The following RBFOX3 variants were observed in gnomAD, a reference collection of about 807,000 sequenced individuals.
The protein encoded by RBFOX3 is RNA binding protein fox-1 homolog 3.
Under a neutral mutation model 48.7 loss-of-function variants are expected in RBFOX3, and 17 were observed. The observed-to-expected ratio is 0.35, with a 90% CI of 0.24 to 0.52. The LOEUF is 0.52. Among genes scored for constraint, RBFOX3 ranks in the 20% least tolerant of loss-of-function variants. The probability of loss-of-function intolerance (pLI) is 0.94; values close to 1 mark genes in which losing one functional copy is unlikely to be tolerated. For missense variants in RBFOX3, 382 were observed against 497.5 expected, an observed-to-expected ratio of 0.77 and a Z score of 2.21; for synonymous variants, 212 against 209.5, an observed-to-expected ratio of 1.01 and a Z score of -0.10.
At chr17:79,373,082 G>T (rs1002045834) in intron 2 of RBFOX3, among the ~76,000 whole-genome samples, 13 of 152,144 alleles carry the variant, frequency 8.5e-5, no homozygotes, top group African/African-American at 2.7e-4. Flanking sequence ...TGGGGCAGAG[G>T]CCTGGCCTCC....
the RBFOX3 span, among the ~76,000 whole-genome samples, chr17:79,655,217 C>A: frequency 6.6e-6 from 1 of 152,166 alleles, no homozygotes; most frequent in Non-Finnish European, 1.5e-5. Context: ...GAAGAGGGCA[C>A]AGGTCTGACC....
chr17:79,370,627 TACAC>T (rs1465405348), intron 2 of RBFOX3, among the ~76,000 whole-genome samples: 1 of 79,472 alleles, frequency 1.3e-5, no homozygotes, highest in Non-Finnish European at 3.3e-5. Flanking sequence ...CACAGTCACA[TACAC>T]TAACATACAT....
chr17:79,135,706 A>T (rs2040032168), intron 4 of RBFOX3, among the ~76,000 whole-genome samples: 2 of 152,046 alleles, frequency 1.3e-5, no homozygotes, highest in Non-Finnish European at 2.9e-5. Flanking sequence ...AGGACCAGAA[A>T]CTGTCCTCAC....
intron 2 of RBFOX3, among the ~76,000 whole-genome samples, chr17:79,428,458 C>T (rs1442782581): frequency 2.0e-5 from 3 of 152,248 alleles, no homozygotes; most frequent in Non-Finnish European, 2.9e-5. Context: ...GGCCTAGAGC[C>T]CTCTTAGGCT....
chr17:79,143,034 G>A (rs528468087), intron 4 of RBFOX3, among the ~76,000 whole-genome samples: 1 of 152,272 alleles, frequency 6.6e-6, no homozygotes, highest in Non-Finnish European at 1.5e-5. Context: ...TGTGAAGGAT[G>A]CTGGTCCCTG....
At chr17:79,491,512 G>A (rs1028092118) in intron 1 of RBFOX3, among the ~76,000 whole-genome samples, 2 of 152,012 alleles carry the variant, frequency 1.3e-5, no homozygotes, top group Non-Finnish European at 2.9e-5. Context: ...ACGGAAGGGC[G>A]GATGGAGTTA....
intron 2 of RBFOX3, among the ~76,000 whole-genome samples, chr17:79,476,287 G>A (rs1555761687): frequency 2.6e-5 from 4 of 152,344 alleles, no homozygotes; most frequent in South Asian, 2.1e-4. Flanking sequence ...CGCCCACAGC[G>A]CCCTCTGCGA....
chr17:79,279,009 A>C (rs1342159707), intron 3 of RBFOX3, among the ~76,000 whole-genome samples: 1 of 152,168 alleles, frequency 6.6e-6, no homozygotes, highest in Non-Finnish European at 1.5e-5. Flanking sequence ...ACATATTAGT[A>C]ATGCGCCCAT....
chr17:79,190,426 A>ATAT (rs1274482920), intron 4 of RBFOX3, among the ~76,000 whole-genome samples: 1 of 69,604 alleles, frequency 1.4e-5, no homozygotes, highest in African/African-American at 3.6e-5. Context: ...AAAAAAAAAA[A>ATAT]AAAAACAAAA....
At chr17:79,113,570 C>T (rs770627507) in intron 5 of RBFOX3, among the ~76,000 whole-genome samples, 27 of 152,278 alleles carry the variant, frequency 1.8e-4, no homozygotes, top group Middle Eastern at 3.4e-3. Context: ...CACCTGGACA[C>T]GCTTCCTGGG....
intron 1 of RBFOX3, among the ~76,000 whole-genome samples, chr17:79,610,089 C>T (rs992375007): frequency 5.3e-5 from 8 of 152,012 alleles, no homozygotes; most frequent in African/African-American, 1.9e-4. Context: ...CGCCCCCAGC[C>T]CGCCCCCTGT....
the RBFOX3 span, among the ~76,000 whole-genome samples, chr17:79,620,082 CAAGCACAT>C: frequency 6.7e-6 from 1 of 148,586 alleles, no homozygotes; most frequent in African/African-American, 2.6e-5. Context: ...CACATGCACA[CAAGCACAT>C]GCACACATGT....
rs373667525 is a variant in RBFOX3, at chr17:79,494,744, G to C, written c.-319-12146C>G. Among the ~76,000 whole-genome samples the C allele has an allele frequency of 2.7e-3, 409 of 152,340 alleles. 8 individuals carry two copies. The South Asian group carries it at 0.041, about 15-fold the overall frequency. On this transcript the variant is annotated intron_variant, in intron 1 of 14. Coordinates refer to ENST00000693108, the MANE Select transcript of RBFOX3 (RefSeq NM_001350451.2). The stretch of plus-strand genomic sequence containing the variant: ...CTGAGGGCTTCAGCAGCAGGACCCA[G>C]GCTGGAAGTGAGGCCCGTCAAGGAC...
rs557492156 is a variant in RBFOX3, at chr17:79,338,228, C to T, written c.-174-30404G>A. Among the ~76,000 whole-genome samples, 7 of 152,190 alleles carry T rather than the reference C, an allele frequency of 4.6e-5. No individual in the cohort carries two copies. The East Asian group carries it at 5.8e-4, about 13-fold the overall frequency. On this transcript the variant is annotated intron_variant, in intron 2 of 14. Coordinates refer to ENST00000693108, the MANE Select transcript of RBFOX3 (RefSeq NM_001350451.2). ...TGCTGGGGTTACAGGCATGAGCCAC[C>T]GCGCCTGGCCTTCTCCAGATATTTT...
chr17:79,629,924 C>A, the RBFOX3 span, among the ~76,000 whole-genome samples: 2 of 152,194 alleles, frequency 1.3e-5, no homozygotes, highest in African/African-American at 2.4e-5. Flanking sequence ...CCGAAGCAGG[C>A]TGGAAGGACA....
At chr17:79,185,744 G>A (rs2053271335) in intron 4 of RBFOX3, among the ~76,000 whole-genome samples, 1 of 152,200 alleles carries the variant, frequency 6.6e-6, no homozygotes, top group Non-Finnish European at 1.5e-5. Flanking sequence ...ATCCCCTCCA[G>A]AAAGGGATTT....
intron 3 of RBFOX3, among the ~76,000 whole-genome samples, chr17:79,305,610 C>A (rs557513425): frequency 1.3e-5 from 2 of 152,142 alleles, no homozygotes; most frequent in Non-Finnish European, 2.9e-5. Context: ...AAGTCACGGT[C>A]AGATCTTTCT....
rs141284644 is a variant in RBFOX3 at position 79,391,012 on chromosome 17, T to C, written c.-174-83188A>G. 4.3e-3 allele frequency among the ~76,000 whole-genome samples: 662 copies of C among 152,312 alleles called. 8 individuals are homozygous for C. The highest frequency in any genetic ancestry group is 0.015 in the African/African-American group (637 of 41,572). On this transcript the variant is annotated intron_variant, in intron 2 of 14. Coordinates refer to ENST00000693108, the MANE Select transcript of RBFOX3 (RefSeq NM_001350451.2). The surrounding 1 kb of genome is among the most constrained non-coding windows in gnomAD (Gnocchi z 5.0). The stretch of plus-strand genomic sequence containing the variant: ...CCCCTGATTCCCACAGATCCTTCCC[T>C]GGAAGGCTTTCTCGCTGTCTCTTCA...
intron 2 of RBFOX3, among the ~76,000 whole-genome samples, chr17:79,440,580 G>A (rs568866199): frequency 6.6e-6 from 1 of 152,262 alleles, no homozygotes; most frequent in Admixed American, 6.5e-5. Context: ...TTTCCTCATT[G>A]GCCGTCCCCA....
Sources: allele counts gnomAD v4.1 joint callset (sites outside exome capture counted in the v4.1 genomes callset), GRCh38; gene constraint gnomAD v4.1.1; non-coding constraint Gnocchi (gnomAD v3.1); transcripts MANE v1.5; gene names NCBI Gene and HGNC (gene_info 2026-07-23, HGNC 2026-07-21).